Variants in ATXN7L1 observed in about 807,000 individuals in gnomAD.
ATXN7L1 encodes the protein ataxin 7 like 1.
ATXN7L1 carries 15 observed loss-of-function variants against 70.8 expected under a neutral mutation model. That is an observed-to-expected ratio of 0.21 (90% CI 0.14 to 0.33). ATXN7L1 has a LOEUF of 0.33. Among genes scored for constraint, ATXN7L1 ranks in the 10% least tolerant of loss-of-function variants. The pLI is 1.00. For missense variants in ATXN7L1, 975 were observed against 1,097.1 expected (o/e 0.89, Z 1.57); for synonymous variants, 440 against 445.1 (o/e 0.99, Z 0.14).
intron 3 of ATXN7L1, among the ~76,000 whole-genome samples, chr7:105,759,868 C>CG (rs896607746): frequency 6.6e-6 from 1 of 152,022 alleles, no homozygotes; most frequent in African/African-American, 2.4e-5. Flanking sequence ...TTCCGCCCCC[C>CG]CCAAAGATAG....
chr7:105,637,805 A>C (rs1797607970), intron 7 of ATXN7L1, among the ~76,000 whole-genome samples: 1 of 152,224 alleles, frequency 6.6e-6, no homozygotes, highest in Non-Finnish European at 1.5e-5. Flanking sequence ...TGTAAGGACA[A>C]ACAACCTCTG....
chr7:105,721,987 G>C (rs887805058), intron 3 of ATXN7L1, among the ~76,000 whole-genome samples: 1 of 152,238 alleles, frequency 6.6e-6, no homozygotes, highest in African/African-American at 2.4e-5. Flanking sequence ...TTTTAAGAGG[G>C]GTGTGTGTGA....
chr7:105,701,584 C>T (rs1289888656), intron 3 of ATXN7L1, among the ~76,000 whole-genome samples: 2 of 152,154 alleles, frequency 1.3e-5, no homozygotes, highest in African/African-American at 4.8e-5. Flanking sequence ...CAAAACAGCA[C>T]CTCTGTTTGG....
chr7:105,843,716 C>A (rs1204173322), intron 2 of ATXN7L1, among the ~76,000 whole-genome samples: 1 of 152,210 alleles, frequency 6.6e-6, no homozygotes, highest in Admixed American at 6.5e-5. Flanking sequence ...TGCCTTCTGG[C>A]CATTTCATTT....
At chr7:105,712,662 C>G (rs1794074171) in intron 3 of ATXN7L1, among the ~76,000 whole-genome samples, 1 of 152,210 alleles carries the variant, frequency 6.6e-6, no homozygotes, top group Non-Finnish European at 1.5e-5. Context: ...CACCTTTGCT[C>G]CACTTTCCAA....
At chr7:105,739,211 A>C (rs996927502) in intron 3 of ATXN7L1, among the ~76,000 whole-genome samples, 2 of 152,172 alleles carry the variant, frequency 1.3e-5, no homozygotes, top group African/African-American at 4.8e-5. Flanking sequence ...CATCAATGGG[A>C]GCCCATTAAT....
Position 105,832,574 on chromosome 7 carries a change from C to T in ATXN7L1, c.250+43238G>A, listed in dbSNP as rs905121201. Among the ~76,000 whole-genome samples, 5 of 152,320 alleles carry T rather than the reference C, an allele frequency of 3.3e-5. No homozygotes were observed. In the South Asian group the frequency reaches 8.3e-4, roughly 25 times the overall value. On this transcript the variant is annotated intron_variant, in intron 2 of 11. Transcript: ENST00000419735. ...TGCCCCCAAGGGCATTGCAGATGCCCCTGCACCTTCTGTGCACCAACAACT... is the reference window on the plus strand; with the variant it reads ...TGCCCCCAAGGGCATTGCAGATGCCTCTGCACCTTCTGTGCACCAACAACT...
intron 2 of ATXN7L1, among the ~76,000 whole-genome samples, chr7:105,815,139 C>T (rs985706745): frequency 6.6e-6 from 1 of 152,132 alleles, no homozygotes; most frequent in African/African-American, 2.4e-5. Flanking sequence ...TGTTCATTTC[C>T]TCTCTCTCAG....
intron 3 of ATXN7L1, among the ~76,000 whole-genome samples, chr7:105,695,791 G>A (rs1037693893): frequency 2.0e-5 from 3 of 152,174 alleles, no homozygotes; most frequent in East Asian, 1.9e-4. Context: ...CTTTGCCCAT[G>A]CCAAATGGAC....
chr7:105,837,761 C>T (rs983524047), intron 2 of ATXN7L1, among the ~76,000 whole-genome samples: 5 of 152,190 alleles, frequency 3.3e-5, no homozygotes, highest in African/African-American at 1.2e-4. Context: ...GTGGACTCAG[C>T]CATGGAACAC....
chr7:105,640,672 GCAC>G (rs1798049900), intron 5 of ATXN7L1, among the ~76,000 whole-genome samples: 1 of 152,244 alleles, frequency 6.6e-6, no homozygotes, highest in Non-Finnish European at 1.5e-5. Flanking sequence ...CTAGAGGCAT[GCAC>G]CACCACACCT....
chr7:105,679,110 GCGACT>G (rs1430446474), intron 3 of ATXN7L1: 55 of 985,952 alleles, frequency 5.6e-5, no homozygotes, highest in Non-Finnish European at 6.5e-5. Context: ...GCTGGGCAAC[GCGACT>G]CGTGGTAGTA....
At chr7:105,693,868 A>G (rs1405076198) in intron 3 of ATXN7L1, among the ~76,000 whole-genome samples, 1 of 152,166 alleles carries the variant, frequency 6.6e-6, no homozygotes, top group Non-Finnish European at 1.5e-5. Context: ...GCCACCCTGG[A>G]GTGAAATGCA....
chr7:105,792,371 C>T (rs1407578545), intron 2 of ATXN7L1, among the ~76,000 whole-genome samples: 1 of 152,212 alleles, frequency 6.6e-6, no homozygotes, highest in Admixed American at 6.5e-5. Context: ...TCCTGAGGGC[C>T]CTGCCGATGG....
chr7:105,744,354 G>T (rs982867105), intron 3 of ATXN7L1, among the ~76,000 whole-genome samples: 2 of 152,186 alleles, frequency 1.3e-5, no homozygotes, highest in Non-Finnish European at 1.5e-5. Context: ...CCGCTAGGGA[G>T]AGAGTCCCTT....
intron 3 of ATXN7L1, among the ~76,000 whole-genome samples, chr7:105,739,982 G>T (rs1050455985): frequency 2.6e-5 from 4 of 152,226 alleles, no homozygotes; most frequent in Admixed American, 2.6e-4. Flanking sequence ...GGAACCTGCT[G>T]TAAGAAATAT....
chr7:105,866,480 A>T (rs571677004), intron 2 of ATXN7L1, among the ~76,000 whole-genome samples: 2 of 152,162 alleles, frequency 1.3e-5, no homozygotes, highest in Non-Finnish European at 2.9e-5. Flanking sequence ...CTTATAGACG[A>T]CTAGGGCAGC....
At chr7:105,810,869 G>A (rs1187005602) in intron 2 of ATXN7L1, among the ~76,000 whole-genome samples, 1 of 152,224 alleles carries the variant, frequency 6.6e-6, no homozygotes, top group African/African-American at 2.4e-5. Flanking sequence ...GATCAGGGCA[G>A]CAGAAGTGGA....
intron 3 of ATXN7L1, among the ~76,000 whole-genome samples, chr7:105,698,334 C>T (rs1210743554): frequency 6.6e-6 from 1 of 152,050 alleles, no homozygotes; most frequent in Non-Finnish European, 1.5e-5. Context: ...AGTTTTGCAT[C>T]GATGGGGCTA....
Sources: gnomAD v4.1 joint callset for allele counts (sites outside exome capture counted in the v4.1 genomes callset) on GRCh38, gnomAD v4.1.1 for gene constraint, MANE v1.5 for transcripts, NCBI Gene and HGNC (gene_info 2026-07-23, HGNC 2026-07-21) for gene names.